DOK6: variants seen among roughly 807,000 people sequenced by gnomAD.
The protein encoded by DOK6 is downstream of tyrosine kinase 6.
DOK6 carries 22 observed loss-of-function variants against 44.0 expected under a neutral mutation model. The ratio of observed to expected loss-of-function variants is 0.50; its 90% confidence interval spans 0.36 to 0.71. The LOEUF (loss-of-function observed/expected upper bound fraction) is 0.71, where lower values mean the gene tolerates loss of function less well. Ranked by LOEUF, DOK6 falls within the 30% of genes least tolerant of loss-of-function variation. The pLI is 0.00. For synonymous variants in DOK6, 166 were observed against 145.5 expected, an observed-to-expected ratio of 1.14 and a Z score of -1.01; for missense variants, 340 against 416.4, an observed-to-expected ratio of 0.82 and a Z score of 1.60.
At chr18:69,471,430 T>C (rs1199895673) in intron 1 of DOK6, among the ~76,000 whole-genome samples, 1 of 151,822 alleles carries the variant, frequency 6.6e-6, no homozygotes, top group Non-Finnish European at 1.5e-5. Flanking sequence ...TGGGTAGAAT[T>C]GAACAGTATG....
chr18:69,599,940 G>A (rs1983834021), intron 3 of DOK6, among the ~76,000 whole-genome samples: 1 of 152,164 alleles, frequency 6.6e-6, no homozygotes. Flanking sequence ...TGGATTCTCA[G>A]TACTACAAGT....
chr18:69,705,978 C>T (rs1305759785), intron 5 of DOK6, among the ~76,000 whole-genome samples: 1 of 151,476 alleles, frequency 6.6e-6, no homozygotes, highest in Non-Finnish European at 1.5e-5. Flanking sequence ...GGGAGAATAC[C>T]ACCCTTTGAT....
chr18:69,464,989 G>A (rs1392546991), intron 1 of DOK6, among the ~76,000 whole-genome samples: 2 of 152,062 alleles, frequency 1.3e-5, no homozygotes, highest in Admixed American at 6.5e-5. Context: ...TTTACATATT[G>A]TAATTGGTTA....
chr18:69,742,452 C>CA (rs1169665462), intron 6 of DOK6, among the ~76,000 whole-genome samples: 82 of 150,214 alleles, frequency 5.5e-4, no homozygotes, highest in African/African-American at 1.9e-3. Context: ...AAAAATTTAT[C>CA]AACATTGTGA....
At chr18:69,493,340 T>A (rs777990876) in intron 1 of DOK6, among the ~76,000 whole-genome samples, 58 of 152,206 alleles carry the variant, frequency 3.8e-4, no homozygotes, top group Non-Finnish European at 7.9e-4. Context: ...ATGCACCATG[T>A]TTAGTGGCCA....
At chr18:69,719,622 T>C (rs1986961783) in intron 5 of DOK6, among the ~76,000 whole-genome samples, 1 of 152,202 alleles carries the variant, frequency 6.6e-6, no homozygotes, top group Non-Finnish European at 1.5e-5. Flanking sequence ...TCATTCATTT[T>C]GAAAAGGTAC....
rs371616806 is a variant in DOK6, at chr18:69,562,455, G to T, written c.67-2032G>T. Among the ~76,000 whole-genome samples, 5 of 152,284 alleles carry T rather than the reference G, an allele frequency of 3.3e-5. No individual in the cohort carries two copies. The East Asian group carries it at 5.8e-4, about 18-fold the overall frequency. On this transcript the variant is annotated intron_variant, in intron 1 of 7. Transcript: ENST00000382713. ...CTGTAGCCTTGCAGTATAGTTTGAAGTCAGGTAGTGTGATGCCTCCAGTTT... is the reference window on the plus strand; with the variant it reads ...CTGTAGCCTTGCAGTATAGTTTGAATTCAGGTAGTGTGATGCCTCCAGTTT...
At chr18:69,425,076 C>T (rs537054844) in intron 1 of DOK6, among the ~76,000 whole-genome samples, 2 of 152,004 alleles carry the variant, frequency 1.3e-5, no homozygotes, top group Non-Finnish European at 2.9e-5. Flanking sequence ...TTATTGTGAG[C>T]AGGACTGGAA....
intron 1 of DOK6, among the ~76,000 whole-genome samples, chr18:69,433,809 TAGAG>T (rs1213114081): frequency 2.6e-5 from 4 of 152,218 alleles, no homozygotes; most frequent in African/African-American, 9.7e-5. Context: ...TGAAGTTCAA[TAGAG>T]AGCACAAATA....
At chr18:69,545,516 C>CAA (rs397760145) in intron 1 of DOK6, among the ~76,000 whole-genome samples, 1,617 of 69,556 alleles carry the variant, frequency 0.023, 50 homozygotes, top group African/African-American at 0.058. Context: ...AGTGAAATAC[C>CAA]AAAAAAAAAA....
At chr18:69,432,456 A>G (rs1393156121) in intron 1 of DOK6, among the ~76,000 whole-genome samples, 2 of 147,998 alleles carry the variant, frequency 1.4e-5, no homozygotes, top group African/African-American at 4.9e-5. Flanking sequence ...AAAAAGAGAA[A>G]AAAGTTTGCC....
At chr18:69,637,740 T>C (rs887781478) in intron 3 of DOK6, among the ~76,000 whole-genome samples, 2 of 152,202 alleles carry the variant, frequency 1.3e-5, no homozygotes, top group African/African-American at 4.8e-5. Context: ...CTCTCTCTTT[T>C]TTTTTAAACC....
At chr18:69,759,711 T>C (rs557790514) in intron 7 of DOK6, among the ~76,000 whole-genome samples, 2 of 152,336 alleles carry the variant, frequency 1.3e-5, no homozygotes, top group African/African-American at 2.4e-5. Context: ...AAGATGTTGA[T>C]TTATATGTTG....
chr18:69,739,276 A>G, intron 6 of DOK6, 173 bp downstream of exon 6: 1 of 813,402 alleles, frequency 1.2e-6, no homozygotes, highest in Non-Finnish European at 1.8e-6. Context: ...AATATGTCAA[A>G]AAAGAAGTTA....
chr18:69,421,861 G>T (rs193081380), intron 1 of DOK6, among the ~76,000 whole-genome samples: 1 of 151,736 alleles, frequency 6.6e-6, no homozygotes, highest in Admixed American at 6.6e-5. Flanking sequence ...CACACTCTGC[G>T]TTGAGGCATC....
chr18:69,579,320 T>C (rs1983309402), intron 2 of DOK6, among the ~76,000 whole-genome samples: 1 of 152,210 alleles, frequency 6.6e-6, no homozygotes, highest in African/African-American at 2.4e-5. Context: ...TAGTTCTCCT[T>C]TTCTACTTTT....
At chr18:69,568,264 C>T in intron 2 of DOK6, among the ~76,000 whole-genome samples, 1 of 152,210 alleles carries the variant, frequency 6.6e-6, no homozygotes, top group South Asian at 2.1e-4. Context: ...GGTAATGAGC[C>T]TTCCCGTGTT....
At chr18:69,539,094 C>T (rs974376554) in intron 1 of DOK6, among the ~76,000 whole-genome samples, 6 of 152,176 alleles carry the variant, frequency 3.9e-5, no homozygotes, top group Non-Finnish European at 8.8e-5. Flanking sequence ...AGAGACATCC[C>T]TGCCTTAGGC....
intron 7 of DOK6, among the ~76,000 whole-genome samples, chr18:69,790,188 G>A (rs927904509): frequency 6.0e-5 from 8 of 133,806 alleles, no homozygotes; most frequent in Non-Finnish European, 1.1e-4. Flanking sequence ...GTTTCACCAC[G>A]TTTCACTCAT....
Sources: allele counts gnomAD v4.1 joint callset (sites outside exome capture counted in the v4.1 genomes callset), GRCh38; gene constraint gnomAD v4.1.1; transcripts MANE v1.5; gene names NCBI Gene and HGNC (gene_info 2026-07-23, HGNC 2026-07-21).